KCTD16: variants seen among roughly 807,000 people sequenced by gnomAD.
KCTD16 encodes BTB/POZ domain-containing protein KCTD16.
In KCTD16, 13 loss-of-function variants were observed where a neutral mutation model predicts 33.2. The observed-to-expected ratio is 0.39, with a 90% CI of 0.25 to 0.62. The LOEUF is 0.62. Ranked by LOEUF, KCTD16 falls within the 20% of genes least tolerant of loss-of-function variation. The pLI is 0.50. For missense variants in KCTD16, 441 were observed against 525.1 expected (o/e 0.84, Z 1.57); for synonymous variants, 197 against 195.3 (o/e 1.01, Z -0.07).
intron 3 of KCTD16, among the ~76,000 whole-genome samples, chr5:144,375,987 C>T (rs1052124143): frequency 6.6e-6 from 1 of 152,014 alleles, no homozygotes; most frequent in Non-Finnish European, 1.5e-5. Flanking sequence ...CTAAATCTGG[C>T]TGATTTTTTG....
chr5:144,468,711 A>G (rs1365238634), intron 3 of KCTD16, among the ~76,000 whole-genome samples: 1 of 152,236 alleles, frequency 6.6e-6, no homozygotes, highest in Admixed American at 6.5e-5. Flanking sequence ...CCTAGCTCCC[A>G]GACTGGCAGG....
chr5:144,310,720 G>A (rs1751742710), intron 3 of KCTD16, among the ~76,000 whole-genome samples: 1 of 152,048 alleles, frequency 6.6e-6, no homozygotes, highest in African/African-American at 2.4e-5. Context: ...AGAGCTCATT[G>A]AGTTGGCACT....
chr5:144,416,936 T>C (rs995904290), intron 3 of KCTD16, among the ~76,000 whole-genome samples: 1 of 152,182 alleles, frequency 6.6e-6, no homozygotes, highest in Non-Finnish European at 1.5e-5. Context: ...ATCTACCATC[T>C]AGCATGTATC....
At chr5:144,297,179 C>T (rs1290833468) in intron 3 of KCTD16, among the ~76,000 whole-genome samples, 1 of 152,198 alleles carries the variant, frequency 6.6e-6, no homozygotes, top group Non-Finnish European at 1.5e-5. Context: ...TGAGTTTCTT[C>T]TTCATTTTTC....
intron 2 of KCTD16, among the ~76,000 whole-genome samples, chr5:144,184,869 T>C (rs1752693722): frequency 6.6e-6 from 1 of 151,444 alleles, no homozygotes; most frequent in Admixed American, 6.7e-5. Flanking sequence ...ATTTAATTAA[T>C]CAGTTACTTC....
chr5:144,332,367 G>A (rs1752382156), intron 3 of KCTD16, among the ~76,000 whole-genome samples: 1 of 152,058 alleles, frequency 6.6e-6, no homozygotes, highest in Non-Finnish European at 1.5e-5. Flanking sequence ...AGGGAACAGG[G>A]CTGTAAACAC....
chr5:144,389,049 G>C (rs1035950211), intron 3 of KCTD16, among the ~76,000 whole-genome samples: 4 of 152,152 alleles, frequency 2.6e-5, no homozygotes, highest in African/African-American at 9.7e-5. Flanking sequence ...CTTCATCTGA[G>C]GGTAGCATCC....
At chr5:144,411,948 A>G (rs1228445254) in intron 3 of KCTD16, among the ~76,000 whole-genome samples, 1 of 152,226 alleles carries the variant, frequency 6.6e-6, no homozygotes, top group East Asian at 1.9e-4. Context: ...GAATCATCAG[A>G]TAAATGAAAA....
Position 144,380,373 on chromosome 5 carries a change from C to T in KCTD16, c.833-93287C>T, listed in dbSNP as rs527797956. Among the ~76,000 whole-genome samples the T allele has an allele frequency of 2.6e-5, 4 of 152,200 alleles. No individual in the cohort carries two copies. The East Asian group carries it at 7.7e-4, about 29-fold the overall frequency. ...AACAAATGGAAAAACATTCCATGCTCATGGATAAGAAGAATCAATATTTTT... is the reference window on the plus strand; with the variant it reads ...AACAAATGGAAAAACATTCCATGCTTATGGATAAGAAGAATCAATATTTTT... On this transcript the variant is annotated intron_variant, in intron 3 of 3. Transcript: ENST00000512467.
intron 3 of KCTD16, among the ~76,000 whole-genome samples, chr5:144,321,200 C>A (rs1008264310): frequency 1.3e-5 from 2 of 152,064 alleles, no homozygotes; most frequent in African/African-American, 2.4e-5. Context: ...TATTGGGAAA[C>A]CCAATGATCT....
At chr5:144,468,464 C>G (rs763906749) in intron 3 of KCTD16, among the ~76,000 whole-genome samples, 1 of 152,204 alleles carries the variant, frequency 6.6e-6, no homozygotes, top group Non-Finnish European at 1.5e-5. Flanking sequence ...CTGGGCCCCT[C>G]CAAGACCAAC....
At chr5:144,258,067 T>G (rs1754901474) in intron 3 of KCTD16, among the ~76,000 whole-genome samples, 2 of 152,330 alleles carry the variant, frequency 1.3e-5, no homozygotes, top group Non-Finnish European at 2.9e-5. Context: ...TATTGTTGTA[T>G]GCATCAATAG....
chr5:144,405,399 A>G (rs1236209877), intron 3 of KCTD16, among the ~76,000 whole-genome samples: 1 of 152,180 alleles, frequency 6.6e-6, no homozygotes, highest in Non-Finnish European at 1.5e-5. Flanking sequence ...AGGACCCTGC[A>G]ATGTTTGGCA....
chr5:144,439,316 G>T, intron 3 of KCTD16: 1 of 483,760 alleles, frequency 2.1e-6, no homozygotes. Flanking sequence ...AAACCCACTT[G>T]AATTGAATGG....
At chr5:144,326,844 C>T (rs1462257529) in intron 3 of KCTD16, among the ~76,000 whole-genome samples, 1 of 152,136 alleles carries the variant, frequency 6.6e-6, no homozygotes, top group Non-Finnish European at 1.5e-5. Flanking sequence ...ATGAAAGACT[C>T]TTCCAAGCAG....
At chr5:144,252,279 T>C (rs1754720989) in intron 3 of KCTD16, among the ~76,000 whole-genome samples, 1 of 152,184 alleles carries the variant, frequency 6.6e-6, no homozygotes. Flanking sequence ...TGTTCATTTA[T>C]TTGGATGAGT....
chr5:144,220,603 A>G (rs943535114), intron 3 of KCTD16, among the ~76,000 whole-genome samples: 4 of 152,120 alleles, frequency 2.6e-5, no homozygotes, highest in Admixed American at 2.6e-4. Flanking sequence ...CACACTTACT[A>G]TATACATGTA....
chr5:144,282,936 G>T (rs1007004420), intron 3 of KCTD16, among the ~76,000 whole-genome samples: 3 of 152,080 alleles, frequency 2.0e-5, no homozygotes, highest in African/African-American at 7.2e-5. Flanking sequence ...CAGCCAAGGA[G>T]AATAAAAAGA....
chr5:144,230,696 A>T (rs1754076108), intron 3 of KCTD16, among the ~76,000 whole-genome samples: 1 of 152,062 alleles, frequency 6.6e-6, no homozygotes. Flanking sequence ...GACTTCAGGG[A>T]TGTATAATGT....
Sources: gnomAD v4.1 joint callset for allele counts (sites outside exome capture counted in the v4.1 genomes callset) on GRCh38, gnomAD v4.1.1 for gene constraint, MANE v1.5 for transcripts, NCBI Gene and HGNC (gene_info 2026-07-23, HGNC 2026-07-21) for gene names.